SPEF2: variants seen among roughly 807,000 people sequenced by gnomAD.
The protein encoded by SPEF2 is sperm flagellar and cilia associated 2, also known as sperm flagella and cilia-associated protein 2.
Under a neutral mutation model 224.6 loss-of-function variants are expected in SPEF2, and 187 were observed. The ratio of observed to expected loss-of-function variants is 0.83; its 90% CI spans 0.74 to 0.94. The LOEUF is 0.94. Ranked by LOEUF, SPEF2 falls within the 40% of genes least tolerant of loss-of-function variation. The pLI is 0.00. For synonymous variants in SPEF2, 715 were observed against 707.3 expected, an observed-to-expected ratio of 1.01 and a Z score of -0.17; for missense variants, 2,170 against 2,135.6, an observed-to-expected ratio of 1.02 and a Z score of -0.32.
intron 26 of SPEF2, among the ~76,000 whole-genome samples, 159 bp from the exon 27 acceptor site, chr5:35,771,450 G>T (rs1752843032): frequency 6.6e-6 from 1 of 152,208 alleles, no homozygotes; most frequent in Non-Finnish European, 1.5e-5. Flanking sequence ...TTCCACTTAA[G>T]TAAAACATGG....
intron 15 of SPEF2, chr5:35,699,390 A>G (rs1738085745): frequency 6.6e-6 from 1 of 152,258 alleles, no homozygotes; most frequent in Non-Finnish European, 1.5e-5. Context: ...AATTAAAACA[A>G]TAATTATTCA....
At chr5:35,712,696 C>T in intron 19 of SPEF2, 116 bp from the exon 20 acceptor site, 1 of 946,892 alleles carries the variant, frequency 1.1e-6, no homozygotes, top group Non-Finnish European at 1.6e-6. Flanking sequence ...CCATTTTATG[C>T]AGTTCACAAA....
Position 35,712,870 on chromosome 5 carries a change from C to G in SPEF2, c.2898C>G (p.Thr966=), listed in dbSNP as rs202247689. 4 of 1,613,302 alleles carry G rather than the reference C, an allele frequency of 2.5e-6. No individual in the cohort carries two copies. The highest frequency in any genetic ancestry group is 3.4e-6 in the Non-Finnish European group (4 of 1,179,806). The change falls in exon 20 of 37, where the codon ACC becomes ACG. Residue 966 remains threonine, a synonymous_variant. Coordinates refer to ENST00000356031, the MANE Select transcript of SPEF2 (RefSeq NM_024867.4). ...LQEGKGKKGE[T]ALKRKGSPKG... is the part of the protein sequence containing the mutation. ...AAGGAAAAGGGAAGAAAGGTGAGACCGCACTCAAAAGAAAAGGTACAGCAG... is the reference window on the plus strand; with the variant it reads ...AAGGAAAAGGGAAGAAAGGTGAGACGGCACTCAAAAGAAAAGGTACAGCAG...
At chr5:35,728,662 G>C (rs911834832) in intron 21 of SPEF2, among the ~76,000 whole-genome samples, 10 of 151,984 alleles carry the variant, frequency 6.6e-5, no homozygotes, top group African/African-American at 2.4e-4. Context: ...CTTTGGCGAG[G>C]GTAGGAACAT....
chr5:35,788,616 T>C, intron 30 of SPEF2: 1 of 702,912 alleles, frequency 1.4e-6, no homozygotes, highest in South Asian at 1.5e-5. Context: ...ACTCTAGAGA[T>C]AAATCTTCAA....
chr5:35,741,175 A>G (rs1289288399), intron 23 of SPEF2, among the ~76,000 whole-genome samples: 2 of 152,224 alleles, frequency 1.3e-5, no homozygotes, highest in African/African-American at 2.4e-5. Context: ...ATAAACAAAT[A>G]AGCATATAGT....
intron 25 of SPEF2, among the ~76,000 whole-genome samples, 157 bp downstream of exon 25, chr5:35,759,876 G>A (rs1339521593): frequency 6.6e-6 from 1 of 151,534 alleles, no homozygotes; most frequent in East Asian, 1.9e-4. Flanking sequence ...TAACGTTAGT[G>A]TGTCATTGAC....
rs573131832 is a variant in SPEF2, at chr5:35,729,998, A to C, written c.3063+2175A>C. 1.9e-3 allele frequency among the ~76,000 whole-genome samples: 292 copies of C among 152,314 alleles called. 1 individual carries two copies. Among genetic ancestry groups the C allele is most frequent in the Non-Finnish European group, 3.0e-3 (207 of 68,022 alleles). On this transcript the variant is annotated intron_variant, in intron 21 of 36. Coordinates refer to ENST00000356031, the MANE Select transcript of SPEF2 (RefSeq NM_024867.4). ...CAAGTATGCCTTTATCAGCTGCATG[A>C]AAACGGACTAATACACCTGCCAAGG...
chr5:35,720,143 A>T (rs1743352619), intron 20 of SPEF2, among the ~76,000 whole-genome samples: 2 of 152,226 alleles, frequency 1.3e-5, no homozygotes, highest in African/African-American at 4.8e-5. Context: ...CTATATTTCC[A>T]TAAGAATACT....
intron 1 of SPEF2, 58 bp from the exon 2 acceptor site, chr5:35,628,402 A>G (rs922514058): frequency 6.2e-6 from 7 of 1,133,036 alleles, no homozygotes; most frequent in African/African-American, 1.5e-5. Context: ...TAAAGAGATC[A>G]TTAGCTCTAT....
At chr5:35,761,437 C>T (rs770962540) in intron 25 of SPEF2, among the ~76,000 whole-genome samples, 3 of 152,046 alleles carry the variant, frequency 2.0e-5, no homozygotes, top group South Asian at 2.1e-4. Context: ...ATTGTATGTT[C>T]CTGCTTTGTT....
At chr5:35,792,467 A>T in intron 31 of SPEF2, 21 bp downstream of exon 31, 1 of 1,599,166 alleles carries the variant, frequency 6.3e-7, no homozygotes, top group Non-Finnish European at 8.6e-7. Flanking sequence ...ATGTTGTTTG[A>T]GTTGTAAAGC....
intron 36 of SPEF2, 118 bp from the exon 37 acceptor site, chr5:35,814,346 A>C (rs1366204974): frequency 2.1e-6 from 1 of 487,546 alleles, no homozygotes; most frequent in Non-Finnish European, 3.4e-6. Flanking sequence ...GAAAAAAAGA[A>C]ATAAAAACTG....
At chr5:35,714,761 CTTAAA>C (rs1265201801) in intron 20 of SPEF2, among the ~76,000 whole-genome samples, 3 of 151,300 alleles carry the variant, frequency 2.0e-5, no homozygotes, top group Non-Finnish European at 4.4e-5. Context: ...TATCTTACAA[CTTAAA>C]TTAATCTGGT....
chr5:35,709,426 A>G (rs192905712), intron 19 of SPEF2: 2 of 1,130,236 alleles, frequency 1.8e-6, no homozygotes, highest in African/African-American at 3.3e-5. Context: ...AGGCAGATCA[A>G]GAGGATACAC....
intron 24 of SPEF2, among the ~76,000 whole-genome samples, chr5:35,757,520 T>C (rs928521049): frequency 1.1e-4 from 17 of 152,170 alleles, no homozygotes; most frequent in Non-Finnish European, 4.4e-5. Flanking sequence ...TTCTCCAAAG[T>C]TGTCAATATT....
At chr5:35,704,197 C>A (rs1221420680) in intron 16 of SPEF2, among the ~76,000 whole-genome samples, 1 of 151,118 alleles carries the variant, frequency 6.6e-6, no homozygotes, top group Admixed American at 6.6e-5. Context: ...GTTCCAGCCA[C>A]CTTGTTCTTT....
At chr5:35,653,774 T>C (rs571937928) in intron 6 of SPEF2, among the ~76,000 whole-genome samples, 6 of 150,504 alleles carry the variant, frequency 4.0e-5, no homozygotes, top group Non-Finnish European at 8.9e-5. Flanking sequence ...GTGAAACCCC[T>C]GTCTCTACTA....
chr5:35,670,625 A>T (rs1751105313), intron 10 of SPEF2: 7 of 986,170 alleles, frequency 7.1e-6, no homozygotes, highest in African/African-American at 1.7e-5. Flanking sequence ...TACAGGCAAA[A>T]TGAAAGAGGA....
Sources: allele counts gnomAD v4.1 joint callset (sites outside exome capture counted in the v4.1 genomes callset), GRCh38; gene constraint gnomAD v4.1.1; transcripts MANE v1.5; gene names NCBI Gene and HGNC (gene_info 2026-07-23, HGNC 2026-07-21).